Variants in TENM2 observed in about 807,000 individuals in gnomAD.
TENM2 encodes teneurin-2.
Under a neutral mutation model 245.2 loss-of-function variants are expected in TENM2, and 52 were observed. The ratio of observed to expected loss-of-function variants is 0.21; its 90% CI spans 0.17 to 0.27. TENM2 has a LOEUF of 0.27. Among genes scored for constraint, TENM2 ranks in the 10% least tolerant of loss-of-function variants. The probability of loss-of-function intolerance (pLI) is 1.00; values close to 1 mark genes in which losing one functional copy is unlikely to be tolerated. For synonymous variants in TENM2, 1,363 were observed against 1,438.9 expected, an observed-to-expected ratio of 0.95 and a Z score of 1.19; for missense variants, 3,046 against 3,666.8, an observed-to-expected ratio of 0.83 and a Z score of 4.37.
At chr5:168,012,391 G>T (rs546698866) in intron 5 of TENM2, among the ~76,000 whole-genome samples, 1 of 151,998 alleles carries the variant, frequency 6.6e-6, no homozygotes, top group South Asian at 2.1e-4. Context: ...ACTTGTAATC[G>T]CTGCGCTTTG....
chr5:167,410,772 A>G (rs1387745135), intron 2 of TENM2, among the ~76,000 whole-genome samples: 3 of 152,054 alleles, frequency 2.0e-5, no homozygotes, highest in Admixed American at 6.6e-5. Flanking sequence ...GAAGAAATAT[A>G]CAATGTTTCT....
intron 1 of TENM2, among the ~76,000 whole-genome samples, chr5:167,351,864 AT>A (rs1409642699): frequency 1.4e-5 from 2 of 147,592 alleles, no homozygotes; most frequent in Non-Finnish European, 3.0e-5. Flanking sequence ...AAAAAAAAAA[AT>A]AAAACCACAA....
chr5:167,511,789 C>A (rs1356781574), intron 2 of TENM2, among the ~76,000 whole-genome samples: 1 of 152,170 alleles, frequency 6.6e-6, no homozygotes, highest in African/African-American at 2.4e-5. Context: ...TGATGGTATG[C>A]TTGCCATATA....
chr5:168,262,238 G>T (rs60051254), exon 29 of TENM2: 1 of 1,605,016 alleles, frequency 6.2e-7, no homozygotes, highest in South Asian at 1.1e-5. Context: ...GACCACGGGC[G>T]TGTCCAGCAT....
At chr5:167,929,830 T>G (rs1778144055) in intron 3 of TENM2, among the ~76,000 whole-genome samples, 1 of 152,020 alleles carries the variant, frequency 6.6e-6, no homozygotes, top group Non-Finnish European at 1.5e-5. Flanking sequence ...CTGACAAAAT[T>G]GGTAGGGGAA....
chr5:167,595,641 A>T (rs1776152999), intron 2 of TENM2, among the ~76,000 whole-genome samples: 1 of 152,258 alleles, frequency 6.6e-6, no homozygotes, highest in South Asian at 2.1e-4. Flanking sequence ...TTAGTTGTTT[A>T]GTATTCCTTT....
intron 2 of TENM2, among the ~76,000 whole-genome samples, chr5:167,547,485 T>C (rs1471665518): frequency 2.0e-5 from 3 of 152,256 alleles, no homozygotes; most frequent in Non-Finnish European, 4.4e-5. Flanking sequence ...CACACTTTTG[T>C]TTTTCGAAAT....
chr5:167,112,911 A>T, the TENM2 span, among the ~76,000 whole-genome samples: 1 of 152,232 alleles, frequency 6.6e-6, no homozygotes, highest in Non-Finnish European at 1.5e-5. Context: ...CCTCTTTCCA[A>T]GTGCATCATA....
At chr5:167,588,883 C>T (rs562486164) in intron 2 of TENM2, among the ~76,000 whole-genome samples, 2 of 152,246 alleles carry the variant, frequency 1.3e-5, no homozygotes, top group East Asian at 3.9e-4. Flanking sequence ...TGGAACTTCC[C>T]TTCAGATCTC....
intron 3 of TENM2, among the ~76,000 whole-genome samples, chr5:167,947,091 G>A (rs1196020017): frequency 6.6e-6 from 1 of 152,096 alleles, no homozygotes; most frequent in Admixed American, 6.5e-5. Context: ...AGGTGGAGGG[G>A]TCAGAGATTG....
intron 2 of TENM2, among the ~76,000 whole-genome samples, chr5:167,559,664 A>G (rs1243970221): frequency 6.6e-6 from 1 of 152,096 alleles, no homozygotes; most frequent in Non-Finnish European, 1.5e-5. Context: ...ACAGCCATTC[A>G]TATCTCAGTG....
chr5:167,254,767 A>G, the TENM2 span, among the ~76,000 whole-genome samples: 2 of 152,134 alleles, frequency 1.3e-5, no homozygotes, highest in South Asian at 4.1e-4. Flanking sequence ...CTTTTTGTAT[A>G]GAGGGCAAGT....
intron 13 of TENM2, chr5:168,186,491 G>A (rs561348011): frequency 6.6e-6 from 1 of 152,144 alleles, no homozygotes; most frequent in Admixed American, 6.6e-5. Flanking sequence ...ATTCTTTTTG[G>A]CCCCGTTTCA....
At chr5:167,164,152 C>T in the TENM2 span, among the ~76,000 whole-genome samples, 1 of 152,190 alleles carries the variant, frequency 6.6e-6, no homozygotes, top group Admixed American at 6.5e-5. Context: ...TTCAATGAGA[C>T]AGAGCAGGAA....
intron 12 of TENM2, among the ~76,000 whole-genome samples, chr5:168,144,229 T>C (rs560527956): frequency 1.3e-5 from 2 of 152,206 alleles, no homozygotes; most frequent in South Asian, 4.2e-4. Context: ...GTGCACATTG[T>C]GCAGGTTAGT....
At chr5:168,080,940 A>G (rs1384070658) in intron 7 of TENM2, among the ~76,000 whole-genome samples, 1 of 152,170 alleles carries the variant, frequency 6.6e-6, no homozygotes, top group South Asian at 2.1e-4. Context: ...GTAGATGTCT[A>G]TTAGGTCTAC....
chr5:167,052,990 T>G, the TENM2 span, among the ~76,000 whole-genome samples: 1 of 152,102 alleles, frequency 6.6e-6, no homozygotes, highest in Non-Finnish European at 1.5e-5. Flanking sequence ...CCAGTCTGGC[T>G]CCTATCTACT....
chr5:167,460,726 G>C (rs1406094678), intron 2 of TENM2, among the ~76,000 whole-genome samples: 1 of 151,948 alleles, frequency 6.6e-6, no homozygotes, highest in Non-Finnish European at 1.5e-5. Context: ...GACAATGTCA[G>C]TTTCCCTAAA....
At chr5:167,017,101 A>T in the TENM2 span, among the ~76,000 whole-genome samples, 5 of 152,152 alleles carry the variant, frequency 3.3e-5, no homozygotes, top group African/African-American at 4.8e-5. Context: ...TACAGAGGAG[A>T]TAACTGAACA....
Sources: gnomAD v4.1 joint callset for allele counts (sites outside exome capture counted in the v4.1 genomes callset) on GRCh38, gnomAD v4.1.1 for gene constraint, MANE v1.5 for transcripts, NCBI Gene and HGNC (gene_info 2026-07-23, HGNC 2026-07-21) for gene names.